The following FOXO3B variants were observed in gnomAD, a reference collection of about 807,000 sequenced individuals.
FOXO3B encodes the protein forkhead box protein O3B.
Under a neutral mutation model 21.9 loss-of-function variants are expected in FOXO3B, and 15 were observed. That is an observed-to-expected ratio of 0.68 (90% confidence interval 0.46 to 1.05). The LOEUF is 1.05. Ranked by LOEUF, FOXO3B falls within the 50% of genes least tolerant of loss-of-function variation. The pLI is 0.00. For synonymous variants in FOXO3B, 135 were observed against 213.6 expected, an observed-to-expected ratio of 0.63 and a Z score of 3.21; for missense variants, 293 against 435.5, an observed-to-expected ratio of 0.67 and a Z score of 2.91.
In FOXO3B at chr17:18,672,263, G is replaced by T. The variant is rs577884947; in HGVS notation, c.*46C>A. 6.2e-7 allele frequency: 1 copy of T among 1,610,744 alleles called. No homozygotes were observed. Among genetic ancestry groups the T allele is most frequent in the East Asian group, 2.2e-5 (1 of 44,844 alleles). ...TTGCCAGTTCCCTCATTCTGGACCC[G>T]CATGAATCGACTATGCAGTGACAGG... is the stretch of plus-strand genomic sequence containing the variant. On this transcript the variant is annotated 3_prime_UTR_variant, in exon 4 of 4. Coordinates refer to ENST00000395675, the MANE Select transcript of FOXO3B (RefSeq NM_001368135.1). This position sits in a 1 kb window ranked among gnomAD's most constrained non-coding sequence, Gnocchi z 4.2.
Position 18,670,578 on chromosome 17 carries a change from G to A in FOXO3B, c.*1731C>T, listed in dbSNP as rs1361236024. On this transcript the variant is annotated 3_prime_UTR_variant, in exon 4 of 4. Transcript: ENST00000395675. ...AATATTAAAACACCACAGAATGGCCGAAGAGGGCTCACGGTGTGCTCTGAA... is the reference window on the plus strand; with the variant it reads ...AATATTAAAACACCACAGAATGGCCAAAGAGGGCTCACGGTGTGCTCTGAA... 2.0e-5 allele frequency among the ~76,000 whole-genome samples: 3 copies of A among 152,218 alleles called. No homozygotes were observed. The highest frequency in any genetic ancestry group is 4.8e-5 in the African/African-American group (2 of 41,446).
Position 18,672,928 on chromosome 17 carries a change from T to C in FOXO3B, c.254A>G (p.Lys85Arg). 1 of 1,536,602 alleles carries C rather than the reference T, an allele frequency of 6.5e-7. No homozygotes were observed. The change falls in exon 4 of 4, where the codon AAG becomes AGG. Residue 85 changes from lysine to arginine, a missense_variant. Transcript: ENST00000395675. The surrounding 1 kb of genome is among the most constrained non-coding windows in gnomAD (Gnocchi z 4.2). ...CGGGGAAGCCGGTGCCTCTGCCATC[T>C]TCGCCGCCCGCCCGGCCGCGGCTGG... is the stretch of plus-strand genomic sequence containing the variant. ...RTPAAAGRAA[K>R]MAEAPASPAP...
At position 18,671,608 on chromosome 17, in the gene FOXO3B, G is replaced by C; in HGVS notation, c.*701C>G. On this transcript the variant is annotated 3_prime_UTR_variant, in exon 4 of 4. Coordinates refer to ENST00000395675, the MANE Select transcript of FOXO3B (RefSeq NM_001368135.1). ...ATGGGAGACTGGCGTAGGGAGTTCAGAGATGAAGGTCCAAACACCGTGCTG... is the reference window on the plus strand; with the variant it reads ...ATGGGAGACTGGCGTAGGGAGTTCACAGATGAAGGTCCAAACACCGTGCTG... 6.2e-7 allele frequency: 1 copy of C among 1,613,834 alleles called. No individual in the cohort carries two copies. Among genetic ancestry groups the C allele is most frequent in the Non-Finnish European group, 8.5e-7 (1 of 1,179,982 alleles).
In FOXO3B at chr17:18,668,058, C is replaced by T. The variant is rs1187889315; in HGVS notation, c.*4251G>A. ...GTCTCAATATAAGGGGCGGAAGGCT[C>T]TGGCAGCACCCCTGCCCACTTCAGA... is the stretch of plus-strand genomic sequence containing the variant. On this transcript the variant is annotated 3_prime_UTR_variant, in exon 4 of 4. Coordinates refer to ENST00000395675, the MANE Select transcript of FOXO3B (RefSeq NM_001368135.1). 1 of 152,314 alleles carries T rather than the reference C, an allele frequency of 6.6e-6. No individual in the cohort carries two copies. The highest frequency in any genetic ancestry group is 1.5e-5 in the Non-Finnish European group (1 of 68,116). The allele number at this position is 152,314 out of a possible 1,614,324, so 9.4% of individuals were successfully genotyped here. A position where few individuals can be genotyped will look rare whatever the true frequency, so the allele number is the denominator to read the frequency against.
At chr17:18,677,029 T>C (rs1482777423) in intron 3 of FOXO3B, among the ~76,000 whole-genome samples, 2 of 152,262 alleles carry the variant, frequency 1.3e-5, no homozygotes, top group Non-Finnish European at 2.9e-5. Flanking sequence ...TAACTGAATA[T>C]GTAATATTTT....
chr17:18,676,676 G>A (rs1364587271), intron 3 of FOXO3B, among the ~76,000 whole-genome samples: 3 of 151,638 alleles, frequency 2.0e-5, no homozygotes, highest in Non-Finnish European at 2.9e-5. Context: ...GGGAGAAAGA[G>A]AATAAAAGGG....
rs2032386091 is a variant in FOXO3B, at chr17:18,672,360, A to T, written c.822T>A (p.Ser274Arg). 6.2e-7 allele frequency: 1 copy of T among 1,611,148 alleles called. No homozygotes were observed. Among genetic ancestry groups the T allele is most frequent in the African/African-American group, 1.3e-5 (1 of 74,388 alleles). ...TLSQIYEWMV[S>R]CVPYFKDKGN... is the part of the protein sequence containing the mutation. ...CCTTATCCTTGAAGTAGGGCACGCAACTCACCATCCACTCGTAGATCTGGG... is the reference window on the plus strand; with the variant it reads ...CCTTATCCTTGAAGTAGGGCACGCATCTCACCATCCACTCGTAGATCTGGG... Residue 274 changes from serine to arginine, a missense_variant, in exon 4 of 4, where the codon AGT (serine) becomes AGA (arginine). Coordinates refer to ENST00000395675, the MANE Select transcript of FOXO3B (RefSeq NM_001368135.1). The surrounding 1 kb of genome is among the most constrained non-coding windows in gnomAD (Gnocchi z 4.2).
Position 18,669,548 on chromosome 17 carries a change from G to A in FOXO3B, c.*2761C>T, listed in dbSNP as rs774931910. ...TATTCCGTCTACCAAAGAAGGTAAC[G>A]AATATAATCACACTTTCCAGGTTAA... On this transcript the variant is annotated 3_prime_UTR_variant, in exon 4 of 4. Transcript: ENST00000395675. 1.0e-4 allele frequency: 16 copies of A among 152,488 alleles called. No homozygotes were observed. The highest frequency in any genetic ancestry group is 2.1e-4 in the South Asian group (1 of 4,828). The allele number at this position is 152,488 out of a possible 1,614,324, so 9.4% of individuals were successfully genotyped here. A position where few individuals can be genotyped will look rare whatever the true frequency, so the allele number is the denominator to read the frequency against.
intron 3 of FOXO3B, among the ~76,000 whole-genome samples, chr17:18,679,610 G>A (rs1292818586): frequency 1.3e-5 from 2 of 152,020 alleles, no homozygotes; most frequent in Admixed American, 1.3e-4. Flanking sequence ...ACCACGCCCA[G>A]CTAATTTTTG....
intron 3 of FOXO3B, among the ~76,000 whole-genome samples, chr17:18,679,866 A>C (rs2032554476): frequency 1.3e-5 from 2 of 150,712 alleles, no homozygotes; most frequent in South Asian, 4.2e-4. Context: ...TTTGAGACAG[A>C]GTTTCCCTCA....
At chr17:18,675,383 A>T (rs1208540152) in intron 3 of FOXO3B, among the ~76,000 whole-genome samples, 1 of 151,822 alleles carries the variant, frequency 6.6e-6, no homozygotes, top group African/African-American at 2.4e-5. Context: ...ATATATAAGG[A>T]CCTCTTAACA....
At position 18,670,350 on chromosome 17, in the gene FOXO3B, G is replaced by A. The variant is rs1176149388; in HGVS notation, c.*1959C>T. Among the ~76,000 whole-genome samples the A allele has an allele frequency of 6.6e-6, 1 of 152,224 alleles. No homozygotes were observed. Among genetic ancestry groups the A allele is most frequent in the African/African-American group, 2.4e-5 (1 of 41,446 alleles). On this transcript the variant is annotated 3_prime_UTR_variant, in exon 4 of 4. Coordinates refer to ENST00000395675, the MANE Select transcript of FOXO3B (RefSeq NM_001368135.1). ...TTTATGTAATTTGTTAGTTTATGGA[G>A]TTCCATGCGCTCAAAAGCTTGTGAT...
intron 2 of FOXO3B, 168 bp downstream of exon 2, chr17:18,681,447 G>A: frequency 1.2e-6 from 1 of 844,356 alleles, no homozygotes; most frequent in African/African-American, 1.9e-5. Context: ...CATGGAAAGG[G>A]CGGTGCTCCC....
chr17:18,674,070 T>G (rs1426657549), intron 3 of FOXO3B, among the ~76,000 whole-genome samples: 1 of 152,004 alleles, frequency 6.6e-6, no homozygotes, highest in Non-Finnish European at 1.5e-5. Context: ...CATGTTGTAT[T>G]GAAGTATCGT....
chr17:18,675,606 G>A (rs1388435795), intron 3 of FOXO3B, among the ~76,000 whole-genome samples: 3 of 152,014 alleles, frequency 2.0e-5, no homozygotes, highest in African/African-American at 7.2e-5. Context: ...ACTAAGTATA[G>A]TAAATAAAAC....
intron 3 of FOXO3B, among the ~76,000 whole-genome samples, chr17:18,675,123 A>G (rs1390289299): frequency 6.6e-6 from 1 of 151,134 alleles, no homozygotes; most frequent in Admixed American, 6.6e-5. Context: ...AAGGCTAAGA[A>G]GATACACTCA....
Position 18,671,409 on chromosome 17 carries a change from C to A in FOXO3B, c.*900G>T. 5 of 1,603,510 alleles carry A rather than the reference C, an allele frequency of 3.1e-6. No individual in the cohort carries two copies. Among genetic ancestry groups the A allele is most frequent in the South Asian group, 1.1e-5 (1 of 90,636 alleles). ...ATCATTGCGAAGCATCACGTTCCGGCGGGAATTCTGGGCAGACACAGCGGT... is the reference window on the plus strand; with the variant it reads ...ATCATTGCGAAGCATCACGTTCCGGAGGGAATTCTGGGCAGACACAGCGGT... On this transcript the variant is annotated 3_prime_UTR_variant, in exon 4 of 4. Transcript: ENST00000395675.
chr17:18,668,930 ATACT>A lies in FOXO3B; in HGVS notation c.*3375_*3378del, dbSNP rs1373046490. On this transcript the variant is annotated 3_prime_UTR_variant, in exon 4 of 4. Transcript: ENST00000395675. ...CAAGCAGACCATATGAATAGAATAC[ATACT>A]TTAAAAAATTATACATACTTTAAAA... 2.0e-5 allele frequency: 3 copies of A among 152,430 alleles called. No individual in the cohort carries two copies. Among genetic ancestry groups the A allele is most frequent in the Non-Finnish European group, 4.4e-5 (3 of 68,054 alleles). The allele number at this position is 152,430 out of a possible 1,614,324, so 9.4% of individuals were successfully genotyped here.
intron 3 of FOXO3B, chr17:18,677,573 C>T (rs931880043): frequency 7.5e-6 from 12 of 1,603,430 alleles, no homozygotes; most frequent in Admixed American, 3.5e-5. Context: ...CCGGCGGGCC[C>T]AGCGGCAGGG....
Sources: gnomAD v4.1 joint callset for allele counts (sites outside exome capture counted in the v4.1 genomes callset) on GRCh38, gnomAD v4.1.1 for gene constraint, Gnocchi (gnomAD v3.1) non-coding constraint, MANE v1.5 for transcripts, NCBI Gene and HGNC (gene_info 2026-07-23, HGNC 2026-07-21) for gene names.